Variants in ATP2B2 observed in about 807,000 individuals in gnomAD.
The protein encoded by ATP2B2 is ATPase plasma membrane Ca2+ transporting 2.
In ATP2B2, 15 loss-of-function variants were observed where a neutral mutation model predicts 120.0. The observed-to-expected ratio is 0.12, with a 90% CI of 0.08 to 0.19. The LOEUF (loss-of-function observed/expected upper bound fraction) is 0.19. ATP2B2 is among the 10% of genes least tolerant of loss of function. ATP2B2 has a pLI of 1.00. For synonymous variants in ATP2B2, 694 were observed against 700.3 expected (o/e 0.99, Z 0.14); for missense variants, 1,045 against 1,719.8 (o/e 0.61, Z 6.94).
At position 10,347,655 on chromosome 3, in the gene ATP2B2, C is replaced by T. The variant is rs1192008464; in HGVS notation, c.2405-1518G>A. Among the ~76,000 whole-genome samples the T allele has an allele frequency of 6.6e-6, 1 of 152,232 alleles. No individual in the cohort carries two copies. The highest frequency in any genetic ancestry group is 1.5e-5 in the Non-Finnish European group (1 of 68,032). The stretch of plus-strand genomic sequence containing the variant: ...AGCTTGTCCCCTTGGGACATTAGGC[C>T]TGAGTTTCCATAGTTCCCTCAGTCA... On this transcript the variant is annotated intron_variant, in intron 16 of 22. Coordinates refer to ENST00000360273, the MANE Select transcript of ATP2B2 (RefSeq NM_001001331.4). The surrounding 1 kb of genome is among the most constrained non-coding windows in gnomAD (Gnocchi z 5.2).
In ATP2B2 at chr3:10,704,214, A is replaced by G. The variant is rs963492361; in HGVS notation, c.-460+3701T>C. Among the ~76,000 whole-genome samples the G allele has an allele frequency of 4.6e-5, 7 of 152,218 alleles. No homozygotes were observed. The East Asian group carries it at 1.2e-3, about 25-fold the overall frequency. On this transcript the variant is annotated intron_variant, in intron 1 of 21. Transcript: ENST00000646379. ...CCATAACTGAATAATAATAAAACCT[A>G]TATTTTAAAATGATGATAATATCAC...
chr3:10,411,785 C>T (rs11707693), intron 2 of ATP2B2, among the ~76,000 whole-genome samples: 3,182 of 152,296 alleles, frequency 0.021, 57 homozygotes, highest in Middle Eastern at 0.071. Flanking sequence ...GCAACGTGCT[C>T]GGAGCGTGCC....
intron 12 of ATP2B2, among the ~76,000 whole-genome samples, chr3:10,366,464 G>A (rs1472930657): frequency 3.3e-5 from 5 of 152,120 alleles, no homozygotes; most frequent in African/African-American, 1.2e-4. Context: ...GAACCACTTC[G>A]GGGGCTCCAG....
In ATP2B2 at chr3:10,487,376, G is replaced by T. The variant is rs561110030; in HGVS notation, c.-320+18089C>A. Among the ~76,000 whole-genome samples, 19 of 152,278 alleles carry T rather than the reference G, an allele frequency of 1.2e-4. No individual in the cohort carries two copies. The South Asian group carries it at 3.7e-3, about 30-fold the overall frequency. ...CAAGAAAGCCCTGTGCTAGAAGGAGGATGCTAGGGGTTACCAGGGTCATGA... is the reference window on the plus strand; with the variant it reads ...CAAGAAAGCCCTGTGCTAGAAGGAGTATGCTAGGGGTTACCAGGGTCATGA... On this transcript the variant is annotated intron_variant, in intron 1 of 22. Transcript: ENST00000360273.
intron 1 of ATP2B2, among the ~76,000 whole-genome samples, chr3:10,670,999 G>C (rs2071080738): frequency 6.6e-6 from 1 of 152,104 alleles, no homozygotes. Flanking sequence ...TGAGTGGGAG[G>C]GTGTATCAGA....
chr3:10,386,460 C>T lies in ATP2B2; in HGVS notation c.940+20G>A. 6.2e-7 allele frequency: 1 copy of T among 1,613,580 alleles called. No homozygotes were observed. The highest frequency in any genetic ancestry group is 8.5e-7 in the Non-Finnish European group (1 of 1,179,450). ...TGCTATTTCTAAAAGCCCATCTACC[C>T]TGAGGGTGTCTTACTGTACCTGGTA... On this transcript the variant is annotated intron_variant, in intron 7 of 22. Transcript: ENST00000360273.
chr3:10,659,267 G>A (rs1394091106), intron 1 of ATP2B2, among the ~76,000 whole-genome samples: 4 of 152,146 alleles, frequency 2.6e-5, no homozygotes, highest in Admixed American at 6.5e-5. Context: ...ATGTAAATGG[G>A]ATAAATCCTC....
At chr3:10,377,192 TAG>T (rs2061405186) in intron 10 of ATP2B2, among the ~76,000 whole-genome samples, 1 of 152,148 alleles carries the variant, frequency 6.6e-6, no homozygotes, top group Non-Finnish European at 1.5e-5. Context: ...CATGTTTCCA[TAG>T]AGTCTTCTGC....
At position 10,546,389 on chromosome 3, in the gene ATP2B2, G is replaced by A. The variant is rs376418934; in HGVS notation, c.-414-12256C>T. On this transcript the variant is annotated intron_variant, in intron 2 of 21. Coordinates refer to the ATP2B2 transcript ENST00000646379. ...TGTGTCCCCCTCACCCACCTTAGCC[G>A]GACACCTCCTTCCCTTGGGCCCACC... is the stretch of plus-strand genomic sequence containing the variant. 9.9e-5 allele frequency among the ~76,000 whole-genome samples: 15 copies of A among 152,254 alleles called. No homozygotes were observed. In the East Asian group the frequency reaches 1.4e-3, roughly 14 times the overall value.
At chr3:10,366,320 C>T (rs1458199385) in intron 12 of ATP2B2, among the ~76,000 whole-genome samples, 1 of 152,218 alleles carries the variant, frequency 6.6e-6, no homozygotes, top group Non-Finnish European at 1.5e-5. Flanking sequence ...AGCCAACCCT[C>T]CTCCCTTCTG....
chr3:10,644,733 A>T (rs9842059), intron 1 of ATP2B2, among the ~76,000 whole-genome samples: 14 of 151,932 alleles, frequency 9.2e-5, no homozygotes, highest in African/African-American at 3.4e-4. Flanking sequence ...GGTTGCCAGG[A>T]GCTGGAGGGA....
rs995843371 is a variant in ATP2B2 at position 10,634,315 on chromosome 3, G to A, written c.-459-14354C>T. Among the ~76,000 whole-genome samples the A allele has an allele frequency of 1.2e-3, 182 of 152,336 alleles. 1 individual carries two copies. Among genetic ancestry groups the A allele is most frequent in the Admixed American group, 5.9e-4 (9 of 15,304 alleles). Reference sequence around the variant, plus strand: ...GCAATCTCACTGTCAGTTGGTGGCAGCTGCATGGTGAGACCCTGGTTTCCA... The same window carrying A: ...GCAATCTCACTGTCAGTTGGTGGCAACTGCATGGTGAGACCCTGGTTTCCA... On this transcript the variant is annotated intron_variant, in intron 1 of 21. Coordinates refer to the ATP2B2 transcript ENST00000646379.
At chr3:10,586,373 T>A (rs998134525) in intron 2 of ATP2B2, among the ~76,000 whole-genome samples, 2 of 152,238 alleles carry the variant, frequency 1.3e-5, no homozygotes, top group Non-Finnish European at 2.9e-5. Flanking sequence ...TCATCTCATC[T>A]GAGTCTCCAT....
At chr3:10,412,573 G>A (rs2062648486) in intron 2 of ATP2B2, among the ~76,000 whole-genome samples, 1 of 152,108 alleles carries the variant, frequency 6.6e-6, no homozygotes, top group South Asian at 2.1e-4. Context: ...CCCCTCTCAA[G>A]GGCTGAGCAG....
chr3:10,510,198 G>A (rs2066732845), upstream of ATP2B2, among the ~76,000 whole-genome samples: 1 of 152,212 alleles, frequency 6.6e-6, no homozygotes, highest in Non-Finnish European at 1.5e-5. Context: ...TCAGGGAGGA[G>A]GTTGTAGGCC....
intron 1 of ATP2B2, among the ~76,000 whole-genome samples, chr3:10,462,158 T>C (rs2064520391): frequency 6.6e-6 from 1 of 152,094 alleles, no homozygotes; most frequent in Non-Finnish European, 1.5e-5. Context: ...CCACGGCCTT[T>C]CTCCCAAGCT....
Position 10,328,004 on chromosome 3 carries a change from G to C in ATP2B2, c.*810C>G, listed in dbSNP as rs2059888590. 1 of 152,408 alleles carries C rather than the reference G, an allele frequency of 6.6e-6. No homozygotes were observed. The highest frequency in any genetic ancestry group is 1.5e-5 in the Non-Finnish European group (1 of 68,020). The allele number at this position is 152,408 out of a possible 1,614,324, so 9.4% of individuals were successfully genotyped here. A position where few individuals can be genotyped will look rare whatever the true frequency, so the allele number is the denominator to read the frequency against. ...CAAATAGCCAAAGACGTTATCTACA[G>C]GTTTGTAAACAAATTACATTCTTCT... On this transcript the variant is annotated 3_prime_UTR_variant, in exon 23 of 23. Transcript: ENST00000360273.
At position 10,604,019 on chromosome 3, in the gene ATP2B2, G is replaced by A. The variant is rs547071992; in HGVS notation, c.-415+15898C>T. ...TCCCACAGGCATCTAAACTTAACAT[G>A]GTCCAAGCTAGAGTTATCACCCCTC... On this transcript the variant is annotated intron_variant, in intron 2 of 21. Transcript: ENST00000646379. Among the ~76,000 whole-genome samples the A allele has an allele frequency of 3.9e-5, 6 of 152,138 alleles. No individual in the cohort carries two copies. In the South Asian group the frequency reaches 1.0e-3, roughly 26 times the overall value.
chr3:10,581,990 C>T (rs942308570), intron 2 of ATP2B2, among the ~76,000 whole-genome samples: 1 of 152,202 alleles, frequency 6.6e-6, no homozygotes, highest in African/African-American at 2.4e-5. Flanking sequence ...CCACACTGGT[C>T]GGAATTTGCT....
Sources: allele counts gnomAD v4.1 joint callset (sites outside exome capture counted in the v4.1 genomes callset), GRCh38; gene constraint gnomAD v4.1.1; non-coding constraint Gnocchi (gnomAD v3.1); transcripts MANE v1.5; gene names NCBI Gene and HGNC (gene_info 2026-07-23, HGNC 2026-07-21).